Variants in RUNX3 observed in about 807,000 individuals in gnomAD.
The protein encoded by RUNX3 is runt-related transcription factor 3.
Under a neutral mutation model 27.7 loss-of-function variants are expected in RUNX3, and 10 were observed. The observed-to-expected ratio is 0.36, with a 90% CI of 0.22 to 0.61. RUNX3 has a LOEUF of 0.61. Ranked by LOEUF, RUNX3 falls within the 20% of genes least tolerant of loss-of-function variation. The pLI is 0.72. For synonymous variants in RUNX3, 270 were observed against 269.2 expected, an observed-to-expected ratio of 1.00 and a Z score of -0.03; for missense variants, 469 against 629.5, an observed-to-expected ratio of 0.75 and a Z score of 2.73.
intron 2 of RUNX3, among the ~76,000 whole-genome samples, chr1:24,942,921 C>T (rs1641513530): frequency 6.6e-6 from 1 of 152,260 alleles, no homozygotes; most frequent in Admixed American, 6.5e-5. Context: ...AGGCTGCAGC[C>T]ACTGTGGAGC....
intron 2 of RUNX3, among the ~76,000 whole-genome samples, chr1:24,940,870 G>T (rs1641459833): frequency 6.6e-6 from 1 of 152,022 alleles, no homozygotes; most frequent in South Asian, 2.1e-4. Flanking sequence ...AAAGCCAGGT[G>T]GTAGGTAGAT....
At position 24,930,084 on chromosome 1, in the gene RUNX3, G is replaced by A. The variant is rs954064208; in HGVS notation, c.-216C>T. The A allele has an allele frequency of 6.1e-6, 6 of 979,948 alleles. No individual in the cohort carries two copies. The African/African-American group carries it at 1.1e-4, about 17-fold the overall frequency. 60.7% of individuals were successfully genotyped at this position (979,948 alleles called of 1,614,324 possible). A position where few individuals can be genotyped will look rare whatever the true frequency, so the allele number is the denominator to read the frequency against. On this transcript the variant is annotated 5_prime_UTR_variant, in exon 1 of 5. Coordinates refer to ENST00000308873, the MANE Select transcript of RUNX3 (RefSeq NM_004350.3). The surrounding 1 kb of genome is among the most constrained non-coding windows in gnomAD (Gnocchi z 4.1). ...CTGGCCCGACGGCCGCCCGCAGCCT[G>A]CCCGGCTAGTCCCGCATCCTCGGCG...
rs1641345680 is a variant in RUNX3 at position 24,936,134 on chromosome 1, G to C, written c.59-6282C>G. 2.0e-5 allele frequency among the ~76,000 whole-genome samples: 3 copies of C among 152,354 alleles called. No individual in the cohort carries two copies. The South Asian group carries it at 6.2e-4, about 32-fold the overall frequency. On this transcript the variant is annotated intron_variant, in intron 2 of 6. Coordinates refer to the RUNX3 transcript ENST00000338888. ...CAGCTTGGAGCCAAGGGGGCTTCTG[G>C]GAAACATGTGCCCTTCCCCCAGGGT... is the stretch of plus-strand genomic sequence containing the variant.
At chr1:24,921,459 G>T (rs1025795709) in intron 2 of RUNX3, among the ~76,000 whole-genome samples, 35 of 152,312 alleles carry the variant, frequency 2.3e-4, no homozygotes, top group African/African-American at 8.2e-4. Context: ...AGTCGGCTGA[G>T]GCAGGGATAG....
Position 24,929,914 on chromosome 1 carries a change from C to A in RUNX3, c.-46G>T, listed in dbSNP as rs902908171. On this transcript the variant is annotated 5_prime_UTR_variant, in exon 1 of 5. Coordinates refer to ENST00000308873, the MANE Select transcript of RUNX3 (RefSeq NM_004350.3). ...CGGGCAGGCGGAGACGGCGCGGCTTCCCCCGGGGGCGGCCGGCGCGGGCGC... is the reference window on the plus strand; with the variant it reads ...CGGGCAGGCGGAGACGGCGCGGCTTACCCCGGGGGCGGCCGGCGCGGGCGC... The A allele has an allele frequency of 4.9e-6, 6 of 1,231,934 alleles. No individual in the cohort carries two copies. The highest frequency in any genetic ancestry group is 3.7e-5 in the South Asian group (1 of 26,736). 76.3% of individuals were successfully genotyped at this position (1,231,934 alleles called of 1,614,324 possible).
intron 3 of RUNX3, among the ~76,000 whole-genome samples, chr1:24,911,033 CCAGACCGAGTCCT>C (rs985254262): frequency 1.3e-5 from 2 of 152,224 alleles, no homozygotes; most frequent in African/African-American, 2.4e-5. Context: ...GCTTCCAATT[CCAGACCGAGTCCT>C]CAGCCCTAAC....
chr1:24,906,150 G>A (rs1482238924), intron 4 of RUNX3, among the ~76,000 whole-genome samples: 2 of 152,200 alleles, frequency 1.3e-5, no homozygotes, highest in East Asian at 1.9e-4. Flanking sequence ...CCACCTCAGC[G>A]TGGCACCGGA....
chr1:24,911,591 T>C (rs182607300), intron 3 of RUNX3, among the ~76,000 whole-genome samples: 19 of 152,366 alleles, frequency 1.2e-4, no homozygotes, highest in Non-Finnish European at 1.9e-4. Context: ...TCTCTGCTCA[T>C]GCCCAAAGGA....
rs111628829 is a variant in RUNX3, at chr1:24,899,717, G to T, written c.*2405C>A. The T allele has an allele frequency of 6.6e-6, 1 of 152,658 alleles. No homozygotes were observed. The highest frequency in any genetic ancestry group is 2.4e-5 in the African/African-American group (1 of 41,428). The allele number at this position is 152,658 out of a possible 1,614,324, so 9.5% of individuals were successfully genotyped here. A position where few individuals can be genotyped will look rare whatever the true frequency, so the allele number is the denominator to read the frequency against. On this transcript the variant is annotated 3_prime_UTR_variant, in exon 5 of 5. Transcript: ENST00000308873. ...GTTTTACATCAGATGAGTGCAGCAG[G>T]TGTCACACCTCAGCATGACAATATG... is the stretch of plus-strand genomic sequence containing the variant.
chr1:24,933,045 T>A (rs1571329688), upstream of RUNX3, among the ~76,000 whole-genome samples: 1 of 152,270 alleles, frequency 6.6e-6, no homozygotes, highest in East Asian at 1.9e-4. Context: ...TTAGGAGTGC[T>A]CTCTAAGTGC....
chr1:24,908,437 A>C (rs1640728995), intron 3 of RUNX3, among the ~76,000 whole-genome samples: 1 of 152,164 alleles, frequency 6.6e-6, no homozygotes, highest in Non-Finnish European at 1.5e-5. Flanking sequence ...AGTTGAACCC[A>C]GGAGTTTGAG....
chr1:24,920,006 C>G (rs1640967783), intron 2 of RUNX3, among the ~76,000 whole-genome samples: 1 of 151,958 alleles, frequency 6.6e-6, no homozygotes, highest in Non-Finnish European at 1.5e-5. Context: ...TTTTATTTAT[C>G]TACCTCCTTA....
chr1:24,963,048 A>G (rs1168050583), intron 2 of RUNX3: 3 of 152,244 alleles, frequency 2.0e-5, no homozygotes, highest in African/African-American at 7.2e-5. Flanking sequence ...GGAAGCAGCC[A>G]CAGCTCTCAG....
upstream of RUNX3, among the ~76,000 whole-genome samples, chr1:24,934,671 G>A (rs941135291): frequency 3.3e-5 from 5 of 152,318 alleles, no homozygotes; most frequent in Admixed American, 6.5e-5. Flanking sequence ...AACGTTGTCC[G>A]AGGTCAGCCA....
intron 2 of RUNX3, among the ~76,000 whole-genome samples, chr1:24,936,842 C>G (rs144737102): frequency 2.0e-5 from 3 of 152,178 alleles, no homozygotes; most frequent in African/African-American, 7.2e-5. Context: ...TTTGGCCTTA[C>G]GCAGATGAAG....
At chr1:24,910,443 C>T (rs6688452) in intron 3 of RUNX3, among the ~76,000 whole-genome samples, 143,628 of 152,228 alleles carry the variant, frequency 0.94, 67,855 homozygotes, top group East Asian at 1. Flanking sequence ...CACTGCGCTT[C>T]TTGGGGCCTG....
At position 24,919,308 on chromosome 1, in the gene RUNX3, T is replaced by A; in HGVS notation, c.476A>T (p.Asn159Ile). ...SFTLTITVFT[N>I]PTQVATYHRA... ...GTGGTAGGTCGCCACTTGGGTGGGG[T>A]TGGTGAACACAGTGATGGTCAGGGT... The change falls in exon 3 of 5, where the codon AAC becomes ATC. Residue 159 changes from asparagine (N) to isoleucine (I), a missense_variant. Around this residue, in one of 3 missense-constraint regions of RUNX3, gnomAD observed 75 missense variants for 168.5 expected, o/e 0.45. Coordinates refer to ENST00000308873, the MANE Select transcript of RUNX3 (RefSeq NM_004350.3). 1 of 1,608,108 alleles carries A rather than the reference T, an allele frequency of 6.2e-7. No individual in the cohort carries two copies. The highest frequency in any genetic ancestry group is 8.5e-7 in the Non-Finnish European group (1 of 1,177,464).
At chr1:24,911,780 C>CGAGG (rs1640801509) in intron 3 of RUNX3, among the ~76,000 whole-genome samples, 1 of 152,046 alleles carries the variant, frequency 6.6e-6, no homozygotes, top group Admixed American at 6.5e-5. Context: ...ACGGGGCCAC[C>CGAGG]GAGGCTTCAC....
At chr1:24,953,410 A>G (rs1641827656) in intron 2 of RUNX3, among the ~76,000 whole-genome samples, 1 of 151,672 alleles carries the variant, frequency 6.6e-6, no homozygotes, top group Non-Finnish European at 1.5e-5. Context: ...ATGAAAAAAA[A>G]AAAAAAACAG....
Sources: gnomAD v4.1 joint callset for allele counts (sites outside exome capture counted in the v4.1 genomes callset) on GRCh38, gnomAD v4.1.1 for gene constraint, gnomAD v4.1.1 regional missense constraint, Gnocchi (gnomAD v3.1) non-coding constraint, MANE v1.5 for transcripts, NCBI Gene and HGNC (gene_info 2026-07-23, HGNC 2026-07-21) for gene names.